KDM3A: variants seen among roughly 807,000 people sequenced by gnomAD.
KDM3A encodes lysine-specific demethylase 3A.
KDM3A carries 60 observed loss-of-function variants against 158.0 expected under a neutral mutation model. The observed-to-expected ratio is 0.38, with a 90% CI of 0.31 to 0.47. The LOEUF (loss-of-function observed/expected upper bound fraction) is 0.47, where lower values mean the gene tolerates loss of function less well. Ranked by LOEUF, KDM3A falls within the 20% of genes least tolerant of loss-of-function variation. The pLI, the probability that KDM3A is intolerant of heterozygous loss-of-function variation, is 0.99. For synonymous variants in KDM3A, 608 were observed against 549.3 expected (o/e 1.11, Z -1.49); for missense variants, 1,319 against 1,574.3 (o/e 0.84, Z 2.74).
chr2:86,466,797 C>G lies in KDM3A; in HGVS notation c.1433C>G (p.Ala478Gly). 6.2e-7 allele frequency: 1 copy of G among 1,613,494 alleles called. No individual in the cohort carries two copies. Among genetic ancestry groups the G allele is most frequent in the Non-Finnish European group, 8.5e-7 (1 of 1,179,592 alleles). Residue 478 changes from alanine (A) to glycine (G), a missense_variant, in exon 10 of 26, where the codon GCT (alanine) becomes GGT (glycine). Coordinates refer to ENST00000312912, the MANE Select transcript of KDM3A (RefSeq NM_018433.6). The part of the protein sequence containing the change: ...SGKKVEPSAL[A>G]CRSQNLKESS... ...AAAAAGGTAGAACCTTCAGCTTTAG[C>G]TTGCCGATCACAGAATTTAAAGGAA...
In KDM3A at chr2:86,449,811, G is replaced by T; in HGVS notation, c.191G>T (p.Cys64Phe). The T allele has an allele frequency of 1.2e-6, 2 of 1,611,338 alleles. No homozygotes were observed. The highest frequency in any genetic ancestry group is 1.7e-6 in the Non-Finnish European group (2 of 1,178,938). The stretch of plus-strand genomic sequence containing the variant: ...CCCCCAATTTTGTCTGTCTAGGTGT[G>T]TGTGGAATTTGATGGGGAATCTTGG... ...TDVTKKDLKV[C>F]VEFDGESWRK... The change falls in exon 3 of 26, where the codon TGT becomes TTT. Residue 64 changes from cysteine to phenylalanine, a missense_variant. Physicochemically the swap from Cys to Phe is radical, Grantham distance 205. Transcript: ENST00000312912.
chr2:86,452,195 CT>C (rs35158232), intron 4 of KDM3A, among the ~76,000 whole-genome samples: 3,036 of 138,584 alleles, frequency 0.022, 49 homozygotes, highest in Non-Finnish European at 0.032. Flanking sequence ...CATTTTTGTG[CT>C]TTTTTTTTTT....
rs1010975041 is a variant in KDM3A, at chr2:86,478,411, C to T, written c.2188+146C>T. ...GAAATATATTAGATAATTCCTCCAA[C>T]ACTTTTCGAGTCAAGTTTTGTGGGA... On this transcript the variant is annotated intron_variant, in intron 14 of 25. Coordinates refer to ENST00000312912, the MANE Select transcript of KDM3A (RefSeq NM_018433.6). 8 of 839,020 alleles carry T rather than the reference C, an allele frequency of 9.5e-6. No homozygotes were observed. The African/African-American group carries it at 1.2e-4, about 13-fold the overall frequency. 52.0% of individuals were successfully genotyped at this position (839,020 alleles called of 1,614,324 possible).
chr2:86,471,399 A>T (rs1490374854), intron 11 of KDM3A, among the ~76,000 whole-genome samples: 1 of 151,828 alleles, frequency 6.6e-6, no homozygotes, highest in African/African-American at 2.4e-5. Context: ...ATATATATAT[A>T]TTTTCAAAAT....
At chr2:86,471,478 A>G (rs1215081849) in intron 11 of KDM3A, among the ~76,000 whole-genome samples, 3 of 152,136 alleles carry the variant, frequency 2.0e-5, no homozygotes, top group Non-Finnish European at 4.4e-5. Context: ...TCATATAGAA[A>G]TGAACAGTGT....
chr2:86,459,879 G>A (rs1168292783), intron 8 of KDM3A, among the ~76,000 whole-genome samples: 2 of 152,132 alleles, frequency 1.3e-5, no homozygotes, highest in Non-Finnish European at 2.9e-5. Flanking sequence ...CTGGAGATAA[G>A]TTTCTTAACT....
chr2:86,462,888 T>C (rs1427058168), intron 8 of KDM3A, among the ~76,000 whole-genome samples: 1 of 151,868 alleles, frequency 6.6e-6, no homozygotes, highest in African/African-American at 2.4e-5. Flanking sequence ...AGGCCAAGAG[T>C]TGGACACCAG....
At chr2:86,440,100 G>A (rs1248207324), upstream of KDM3A, among the ~76,000 whole-genome samples, 1 of 152,040 alleles carries the variant, frequency 6.6e-6, no homozygotes, top group Admixed American at 6.5e-5. Flanking sequence ...TCCCATTTCT[G>A]CCTTCTTTCA....
At chr2:86,454,691 T>C (rs1481797156) in intron 4 of KDM3A, among the ~76,000 whole-genome samples, 1 of 152,354 alleles carries the variant, frequency 6.6e-6, no homozygotes, top group East Asian at 1.9e-4. Context: ...TCTGTGTTTT[T>C]TGTCCCTTGG....
intron 2 of KDM3A, among the ~76,000 whole-genome samples, chr2:86,444,154 A>G (rs1055297091): frequency 2.0e-5 from 3 of 152,144 alleles, no homozygotes; most frequent in African/African-American, 7.2e-5. Context: ...GGAGGTGGTG[A>G]TATCTTCATT....
At chr2:86,448,478 TTTAA>T (rs1396076499) in intron 2 of KDM3A, among the ~76,000 whole-genome samples, 4 of 152,344 alleles carry the variant, frequency 2.6e-5, no homozygotes, top group East Asian at 1.9e-4. Context: ...CCTATTAGAA[TTTAA>T]TTGTCAATCA....
Position 86,492,348 on chromosome 2 carries a change from G to GAAC in KDM3A, c.*230_*232dup, listed in dbSNP as rs1461943828. 4.4e-6 allele frequency: 2 copies of GAAC among 454,428 alleles called. No homozygotes were observed. The highest frequency in any genetic ancestry group is 3.9e-5 in the Admixed American group (1 of 25,936). The allele number at this position is 454,428 out of a possible 1,614,324, so 28.1% of individuals were successfully genotyped here. On this transcript the variant is annotated 3_prime_UTR_variant, in exon 26 of 26. Coordinates refer to ENST00000312912, the MANE Select transcript of KDM3A (RefSeq NM_018433.6). ...AAACTGTGACTTCTCACCTAGTGCAGAACTTTTACCAGGCTGTAAAAGCAA... is the reference window on the plus strand; with the variant it reads ...AAACTGTGACTTCTCACCTAGTGCAGAACAACTTTTACCAGGCTGTAAAAGCAA...
chr2:86,439,394 C>T (rs1377198055), upstream of KDM3A, among the ~76,000 whole-genome samples: 2 of 151,980 alleles, frequency 1.3e-5, no homozygotes, highest in African/African-American at 4.8e-5. Context: ...ATCTATGTTC[C>T]TAAGTATAAT....
At chr2:86,440,303 TAC>T (rs1313408828), upstream of KDM3A, among the ~76,000 whole-genome samples, 4 of 152,268 alleles carry the variant, frequency 2.6e-5, no homozygotes, top group South Asian at 2.1e-4. Context: ...TCTCTGATTA[TAC>T]GTTTCCACGC....
chr2:86,482,700 G>A lies in KDM3A; in HGVS notation c.2922+6G>A. On this transcript the variant is annotated splice_donor_region_variant and intron_variant, in intron 18 of 25. Transcript: ENST00000312912. The stretch of plus-strand genomic sequence containing the variant: ...AGTGCTGGAAACAAGGGCAGGTAAT[G>A]TAGGCCTCCCATCCTCCTGCCCTAT... 1.2e-6 allele frequency: 2 copies of A among 1,613,212 alleles called. No homozygotes were observed. The highest frequency in any genetic ancestry group is 1.1e-5 in the South Asian group (1 of 91,060).
At chr2:86,476,018 G>A (rs532088654) in intron 12 of KDM3A, among the ~76,000 whole-genome samples, 33 of 152,306 alleles carry the variant, frequency 2.2e-4, no homozygotes, top group Admixed American at 2.0e-3. Context: ...GACAACCAGA[G>A]CTATTCTTTA....
rs920958958 is a variant in KDM3A, at chr2:86,489,340, G to C, written c.3336G>C (p.Arg1112=). ...NAYGLITPED[R]KYGTTNLHLD... ...CAGGATTAATCACTCCTGAAGATCG[G>C]AAATATGGAACAACAAATCTTCACT... The change falls in exon 22 of 26, where the codon CGG becomes CGC. Residue 1112 remains arginine (R), a synonymous_variant. Transcript: ENST00000312912. 1.9e-6 allele frequency: 3 copies of C among 1,613,894 alleles called. No homozygotes were observed. Among genetic ancestry groups the C allele is most frequent in the Middle Eastern group, 1.7e-4 (1 of 6,052 alleles).
chr2:86,491,086 C>G (rs202241591), intron 24 of KDM3A, 29 bp downstream of exon 24: 3 of 1,613,140 alleles, frequency 1.9e-6, no homozygotes, highest in South Asian at 1.1e-5. Flanking sequence ...TCTTTAATCT[C>G]TTTATGTCAT....
intron 23 of KDM3A, 63 bp downstream of exon 23, chr2:86,489,722 GT>G: frequency 4.6e-6 from 7 of 1,520,096 alleles, no homozygotes; most frequent in Non-Finnish European, 6.2e-6. Flanking sequence ...GTTACTACAT[GT>G]GGTGAACTGA....
Sources: gnomAD v4.1 joint callset for allele counts (sites outside exome capture counted in the v4.1 genomes callset) on GRCh38, gnomAD v4.1.1 for gene constraint, MANE v1.5 for transcripts, NCBI Gene and HGNC (gene_info 2026-07-23, HGNC 2026-07-21) for gene names.